The following PTK2B variants were observed in gnomAD, a reference collection of about 807,000 sequenced individuals.
PTK2B encodes protein tyrosine kinase 2 beta, also known as protein-tyrosine kinase 2-beta.
In PTK2B, 71 loss-of-function variants were observed where a neutral mutation model predicts 142.9. The observed-to-expected ratio is 0.50, with a 90% CI of 0.41 to 0.61. The LOEUF is 0.61. Among genes scored for constraint, PTK2B ranks in the 20% least tolerant of loss-of-function variants. The pLI, the probability that PTK2B is intolerant of heterozygous loss-of-function variation, is 0.00. For missense variants in PTK2B, 1,105 were observed against 1,320.4 expected (o/e 0.84, Z 2.53); for synonymous variants, 519 against 503.4 (o/e 1.03, Z -0.42).
chr8:27,350,094 C>G (rs1804953204), intron 1 of PTK2B, among the ~76,000 whole-genome samples: 1 of 152,180 alleles, frequency 6.6e-6, no homozygotes, highest in Non-Finnish European at 1.5e-5. Flanking sequence ...AGAGCATACT[C>G]AAAGCATGAT....
chr8:27,409,314 A>T lies in PTK2B; in HGVS notation c.205-10581A>T, dbSNP rs944177987. ...AACAAAAACCTTATCACAGGGAGTC[A>T]GGGAAGGCTTCCCAGGGGCCCTCAT... On this transcript the variant is annotated intron_variant, in intron 2 of 30. Transcript: ENST00000346049. Among the ~76,000 whole-genome samples, 4 of 152,290 alleles carry T rather than the reference A, an allele frequency of 2.6e-5. No individual in the cohort carries two copies. The South Asian group carries it at 8.3e-4, about 32-fold the overall frequency.
At chr8:27,354,298 G>C (rs567214797) in intron 1 of PTK2B, among the ~76,000 whole-genome samples, 1 of 152,150 alleles carries the variant, frequency 6.6e-6, no homozygotes, top group African/African-American at 2.4e-5. Flanking sequence ...CCAAAAGGGT[G>C]GGGTACTGTG....
Position 27,416,193 on chromosome 8 carries a change from T to G in PTK2B, c.205-3702T>G, listed in dbSNP as rs1387664559. Among the ~76,000 whole-genome samples, 5 of 152,254 alleles carry G rather than the reference T, an allele frequency of 3.3e-5. No homozygotes were observed. The East Asian group carries it at 9.6e-4, about 29-fold the overall frequency. ...AGAAAGTGGCCAGCTGATTCTAACA[T>G]TTATGTGGACATGCAAAGACCTAGC... On this transcript the variant is annotated intron_variant, in intron 2 of 30. Transcript: ENST00000346049.
chr8:27,421,351 G>A (rs1809740522), intron 4 of PTK2B, among the ~76,000 whole-genome samples: 1 of 151,408 alleles, frequency 6.6e-6, no homozygotes, highest in African/African-American at 2.4e-5. Context: ...GGGGGAACAG[G>A]TGGTGTTGGT....
chr8:27,409,123 C>T (rs1022693310), intron 2 of PTK2B, among the ~76,000 whole-genome samples: 1 of 152,116 alleles, frequency 6.6e-6, no homozygotes, highest in Admixed American at 6.5e-5. Context: ...GACAGCCCAC[C>T]CGAATGACCT....
chr8:27,446,539 T>G (rs1283307944), intron 24 of PTK2B, among the ~76,000 whole-genome samples: 1 of 152,042 alleles, frequency 6.6e-6, no homozygotes, highest in Non-Finnish European at 1.5e-5. Context: ...GATTGTCAGG[T>G]CTTGTGTGAA....
At chr8:27,388,386 TAAC>T (rs1807503560) in intron 1 of PTK2B, among the ~76,000 whole-genome samples, 2 of 152,258 alleles carry the variant, frequency 1.3e-5, no homozygotes, top group South Asian at 2.1e-4. Flanking sequence ...GTTTTGAAAA[TAAC>T]AACTTTCAGA....
chr8:27,433,969 G>T, intron 11 of PTK2B, 124 bp from the exon 12 acceptor site: 1 of 1,300,208 alleles, frequency 7.7e-7, no homozygotes, highest in Non-Finnish European at 1.1e-6. Flanking sequence ...CCCAGGCTAG[G>T]AGAGAATGGA....
intron 1 of PTK2B, among the ~76,000 whole-genome samples, chr8:27,342,717 CT>C (rs1804480468): frequency 6.6e-6 from 1 of 152,188 alleles, no homozygotes; most frequent in Non-Finnish European, 1.5e-5. Flanking sequence ...AGTCTTCTTC[CT>C]GACTCTGTTA....
intron 1 of PTK2B, among the ~76,000 whole-genome samples, chr8:27,330,140 C>T (rs1803654597): frequency 6.6e-6 from 1 of 152,106 alleles, no homozygotes; most frequent in Non-Finnish European, 1.5e-5. Context: ...ATTTCAACAA[C>T]CCAGATGCAC....
chr8:27,447,423 C>T (rs1811536268), intron 24 of PTK2B, among the ~76,000 whole-genome samples: 1 of 152,204 alleles, frequency 6.6e-6, no homozygotes, highest in East Asian at 1.9e-4. Flanking sequence ...AACAAAAATA[C>T]AGAGGTGGTG....
At chr8:27,357,527 C>T (rs532891201) in intron 1 of PTK2B, among the ~76,000 whole-genome samples, 7 of 152,226 alleles carry the variant, frequency 4.6e-5, no homozygotes, top group South Asian at 2.1e-4. Context: ...CTCCCTTAAC[C>T]GCTATCAGGA....
chr8:27,325,139 A>G (rs1414694746), upstream of PTK2B, among the ~76,000 whole-genome samples: 1 of 152,210 alleles, frequency 6.6e-6, no homozygotes, highest in Non-Finnish European at 1.5e-5. Context: ...GCTCAGTACC[A>G]TGTAGATATA....
In PTK2B at chr8:27,419,950, C is replaced by T. The variant is rs1315083217; in HGVS notation, c.260C>T (p.Ala87Val). 6.2e-7 allele frequency: 1 copy of T among 1,614,216 alleles called. No individual in the cohort carries two copies. Among genetic ancestry groups the T allele is most frequent in the South Asian group, 1.1e-5 (1 of 91,082 alleles). Residue 87 changes from alanine (A) to valine (V), a missense_variant, in exon 3 of 31, where the codon GCT becomes GTT. Ala to Val is a moderately conservative substitution (Grantham distance 64). Coordinates refer to ENST00000346049, the MANE Select transcript of PTK2B (RefSeq NM_173176.3). ...SGRIGPNIRL[A>V]ECYGLRLKHM... ...CGGATCGGGCCCAACATCCGGTTGG[C>T]TGAGTGCTATGGGCTGAGGCTGAAG...
intron 1 of PTK2B, among the ~76,000 whole-genome samples, chr8:27,350,905 G>A (rs1252135834): frequency 1.4e-5 from 2 of 138,404 alleles, no homozygotes; most frequent in Non-Finnish European, 3.1e-5. Flanking sequence ...GAACCCGGGA[G>A]GCAAAGGTTG....
chr8:27,444,894 T>C (rs1201231719), intron 23 of PTK2B, among the ~76,000 whole-genome samples: 1 of 152,200 alleles, frequency 6.6e-6, no homozygotes, highest in African/African-American at 2.4e-5. Context: ...GTCCATTTAG[T>C]TGGTGCCCTT....
At chr8:27,427,486 A>G (rs1458640277) in intron 5 of PTK2B, among the ~76,000 whole-genome samples, 1 of 152,220 alleles carries the variant, frequency 6.6e-6, no homozygotes, top group Non-Finnish European at 1.5e-5. Flanking sequence ...GAATAAATGG[A>G]TAACTGAAAG....
At chr8:27,414,622 A>ATGTGTGTGTGTTTGTGTGTGTGTG (rs1554500904) in intron 2 of PTK2B, among the ~76,000 whole-genome samples, 2 of 13,532 alleles carry the variant, frequency 1.5e-4, no homozygotes, top group East Asian at 6.7e-4. Flanking sequence ...GTGTGTGTGT[A>ATGTGTGTGTGTTTGTGTGTGTGTG]TCTCTTTCTA....
At chr8:27,446,540 C>T (rs1043270140) in intron 24 of PTK2B, among the ~76,000 whole-genome samples, 3 of 152,096 alleles carry the variant, frequency 2.0e-5, no homozygotes, top group African/African-American at 7.2e-5. Flanking sequence ...ATTGTCAGGT[C>T]TTGTGTGAAA....
Sources: gnomAD v4.1 joint callset for allele counts (sites outside exome capture counted in the v4.1 genomes callset) on GRCh38, gnomAD v4.1.1 for gene constraint, MANE v1.5 for transcripts, NCBI Gene and HGNC (gene_info 2026-07-23, HGNC 2026-07-21) for gene names.